LDLRAD4: variants seen among roughly 807,000 people sequenced by gnomAD.
The protein encoded by LDLRAD4 is low density lipoprotein receptor class A domain containing 4, also known as low-density lipoprotein receptor class A domain-containing protein 4.
In LDLRAD4, 5 loss-of-function variants were observed where a neutral mutation model predicts 17.0. The observed-to-expected ratio is 0.29, with a 90% CI of 0.15 to 0.62. The LOEUF (loss-of-function observed/expected upper bound fraction) is 0.62, where lower values mean the gene tolerates loss of function less well. LDLRAD4 is among the 20% of genes least tolerant of loss of function. The pLI, the probability that LDLRAD4 is intolerant of heterozygous loss-of-function variation, is 0.84. For missense variants in LDLRAD4, 340 were observed against 424.7 expected, an observed-to-expected ratio of 0.80 and a Z score of 1.75; for synonymous variants, 168 against 171.8, an observed-to-expected ratio of 0.98 and a Z score of 0.17.
intron 4 of LDLRAD4, among the ~76,000 whole-genome samples, chr18:13,630,087 C>G (rs1179615896): frequency 1.3e-5 from 2 of 152,014 alleles, no homozygotes; most frequent in Non-Finnish European, 2.9e-5. Context: ...CTAACCCCAG[C>G]ACCAAGCTGG....
intron 1 of LDLRAD4, among the ~76,000 whole-genome samples, chr18:13,224,895 C>G (rs1009759452): frequency 2.0e-5 from 3 of 151,148 alleles, no homozygotes; most frequent in African/African-American, 7.3e-5. Flanking sequence ...GTGGCGTGAT[C>G]CATCTCAGCT....
At chr18:13,312,082 G>A (rs999668615) in intron 1 of LDLRAD4, among the ~76,000 whole-genome samples, 4 of 151,972 alleles carry the variant, frequency 2.6e-5, no homozygotes, top group African/African-American at 7.3e-5. Flanking sequence ...AGATCCGCCC[G>A]CCTCGGCCTC....
intron 3 of LDLRAD4, among the ~76,000 whole-genome samples, chr18:13,503,246 G>A (rs2093640972): frequency 6.6e-6 from 1 of 152,196 alleles, no homozygotes; most frequent in Admixed American, 6.5e-5. Context: ...GGTACTAACT[G>A]TTGGAAATGG....
In LDLRAD4 at chr18:13,549,979, G is replaced by C. The variant is rs74786230; in HGVS notation, c.182-71138G>C. The stretch of plus-strand genomic sequence containing the variant: ...ATAATGGAGATGATAATTCTGCCTC[G>C]TGGATTCTTCTGAACTGCTGCCATC... On this transcript the variant is annotated intron_variant, in intron 3 of 5. Coordinates refer to ENST00000359446, the Ensembl canonical transcript of LDLRAD4. Among the ~76,000 whole-genome samples, 16 of 152,290 alleles carry C rather than the reference G, an allele frequency of 1.1e-4. No individual in the cohort carries two copies. In the East Asian group the frequency reaches 2.9e-3, roughly 28 times the overall value.
intron 1 of LDLRAD4, among the ~76,000 whole-genome samples, chr18:13,229,156 T>C (rs2041947825): frequency 6.6e-6 from 1 of 152,214 alleles, no homozygotes; most frequent in Non-Finnish European, 1.5e-5. Flanking sequence ...GTGTGTCAGC[T>C]GCCACGGGGT....
At chr18:13,375,006 G>T (rs963729611) in intron 1 of LDLRAD4, among the ~76,000 whole-genome samples, 1 of 152,190 alleles carries the variant, frequency 6.6e-6, no homozygotes, top group Admixed American at 6.5e-5. Context: ...AACAGATTGC[G>T]GGAACACTGG....
chr18:13,377,152 A>C (rs2084973571), intron 1 of LDLRAD4, among the ~76,000 whole-genome samples: 1 of 152,148 alleles, frequency 6.6e-6, no homozygotes, highest in Admixed American at 6.5e-5. Context: ...CACACCCAAG[A>C]GCTCCTCTGT....
intron 4 of LDLRAD4, among the ~76,000 whole-genome samples, chr18:13,625,738 C>A: frequency 7.8e-6 from 1 of 128,520 alleles, no homozygotes; most frequent in South Asian, 3.0e-4. Context: ...CCTCCTCCCC[C>A]CACCAGAGCC....
chr18:13,318,278 T>C (rs2081036126), intron 1 of LDLRAD4, among the ~76,000 whole-genome samples: 1 of 152,144 alleles, frequency 6.6e-6, no homozygotes, highest in South Asian at 2.1e-4. Flanking sequence ...TTTTTTTTTT[T>C]TGAGACAGAG....
At chr18:13,291,444 G>C (rs763477476) in intron 1 of LDLRAD4, among the ~76,000 whole-genome samples, 12 of 152,210 alleles carry the variant, frequency 7.9e-5, no homozygotes, top group Admixed American at 2.0e-4. Context: ...AAATTGTACA[G>C]TTGCAGAGGG....
intron 1 of LDLRAD4, among the ~76,000 whole-genome samples, chr18:13,377,440 G>C (rs1351132388): frequency 1.3e-5 from 2 of 152,140 alleles, no homozygotes; most frequent in Admixed American, 1.3e-4. Flanking sequence ...TTAGATGAGT[G>C]CCCGTGCCTT....
rs57033432 is a variant in LDLRAD4, at chr18:13,321,861, C to CAAAAAAAAAAAAAAAA, written c.-383+43699_-383+43714dup. On this transcript the variant is annotated intron_variant, in intron 1 of 5. Transcript: ENST00000359446. Reference sequence around the variant, plus strand: ...AGGCAACAACAGCGAGACTCCGTCTCAAAAAAAAAAAAAAAAAAAAAAAAA... The same window carrying CAAAAAAAAAAAAAAAA: ...AGGCAACAACAGCGAGACTCCGTCTCAAAAAAAAAAAAAAAAAAAAAAAAAAAAAAAAAAAAAAAAA... Among the ~76,000 whole-genome samples the CAAAAAAAAAAAAAAAA allele has an allele frequency of 8.4e-4, 52 of 62,134 alleles. 2 individuals carry two copies. The highest frequency in any genetic ancestry group is 3.3e-3 in the East Asian group (3 of 920). The allele number at this position is 62,134 out of a possible 152,430, so 40.8% of individuals were successfully genotyped here.
At chr18:13,289,462 C>A (rs1337561205) in intron 1 of LDLRAD4, among the ~76,000 whole-genome samples, 1 of 152,130 alleles carries the variant, frequency 6.6e-6, no homozygotes, top group Non-Finnish European at 1.5e-5. Flanking sequence ...ACTATATGGC[C>A]AGTTACTTGA....
intron 3 of LDLRAD4, among the ~76,000 whole-genome samples, chr18:13,568,144 A>G (rs979439449): frequency 2.0e-5 from 3 of 152,046 alleles, no homozygotes; most frequent in Non-Finnish European, 4.4e-5. Flanking sequence ...AAACACAAAT[A>G]TTAGACAGGT....
At chr18:13,325,838 C>A (rs1213857700) in intron 1 of LDLRAD4, among the ~76,000 whole-genome samples, 2 of 152,088 alleles carry the variant, frequency 1.3e-5, no homozygotes, top group African/African-American at 2.4e-5. Context: ...TTGCAAGCTC[C>A]CCCTCCCGGG....
chr18:13,625,535 G>C (rs1441663560), intron 4 of LDLRAD4, among the ~76,000 whole-genome samples: 1 of 152,152 alleles, frequency 6.6e-6, no homozygotes, highest in Non-Finnish European at 1.5e-5. Context: ...TGGCTTCTCT[G>C]CTTCTTGCGG....
chr18:13,342,638 G>A (rs957771600), intron 1 of LDLRAD4, among the ~76,000 whole-genome samples: 5 of 151,208 alleles, frequency 3.3e-5, no homozygotes, highest in Non-Finnish European at 5.9e-5. Flanking sequence ...CCTGATATTA[G>A]TATAGCCACC....
chr18:13,645,462 C>T lies in LDLRAD4; in HGVS notation c.726C>T (p.Cys242=). ...ACTCGGGCATCAGTGCAAGCACCTG[C>T]AGCAGTAACGGGAGGATGGAGGGGC... is the stretch of plus-strand genomic sequence containing the variant. The change falls in exon 6 of 6, where the codon TGC becomes TGT. Residue 242 remains cysteine (C), a synonymous_variant. Coordinates refer to ENST00000359446, the Ensembl canonical transcript of LDLRAD4. This position sits in a 1 kb window ranked among gnomAD's most constrained non-coding sequence, Gnocchi z 5.7. 6.2e-7 allele frequency: 1 copy of T among 1,612,924 alleles called. No homozygotes were observed.
chr18:13,366,620 T>C (rs1390982240), intron 1 of LDLRAD4, among the ~76,000 whole-genome samples: 1 of 152,236 alleles, frequency 6.6e-6, no homozygotes, highest in Non-Finnish European at 1.5e-5. Flanking sequence ...TGAATAAATA[T>C]GAAGGTTGTT....
Sources: gnomAD v4.1 joint callset for allele counts (sites outside exome capture counted in the v4.1 genomes callset) on GRCh38, gnomAD v4.1.1 for gene constraint, Gnocchi (gnomAD v3.1) non-coding constraint, MANE v1.5 for transcripts, NCBI Gene and HGNC (gene_info 2026-07-23, HGNC 2026-07-21) for gene names.